The following GRID2IP variants were observed in gnomAD, a reference collection of about 807,000 sequenced individuals.
The protein encoded by GRID2IP is Grid2 interacting protein.
Under a neutral mutation model 114.3 loss-of-function variants are expected in GRID2IP, and 78 were observed. The observed-to-expected ratio is 0.68, with a 90% CI of 0.57 to 0.82. GRID2IP has a LOEUF of 0.82. Ranked by LOEUF, GRID2IP falls within the 40% of genes least tolerant of loss-of-function variation. The pLI, the probability that GRID2IP is intolerant of heterozygous loss-of-function variation, is 0.00. For synonymous variants in GRID2IP, 809 were observed against 724.0 expected, an observed-to-expected ratio of 1.12 and a Z score of -1.89; for missense variants, 1,727 against 1,678.5, an observed-to-expected ratio of 1.03 and a Z score of -0.51.
chr7:6,529,250 A>T (rs1474238161), intron 2 of GRID2IP, among the ~76,000 whole-genome samples: 2 of 152,186 alleles, frequency 1.3e-5, no homozygotes, highest in African/African-American at 4.8e-5. Context: ...CAGGAGTTCG[A>T]GACCAGCCTG....
chr7:6,502,668 G>T (rs1388352128), intron 18 of GRID2IP, 118 bp downstream of exon 18: 1 of 655,614 alleles, frequency 1.5e-6, no homozygotes, highest in South Asian at 1.7e-5. Context: ...CTGCTAGGAG[G>T]AGAGCCCTCC....
chr7:6,531,373 C>T (rs1490980466), intron 2 of GRID2IP, among the ~76,000 whole-genome samples: 1 of 152,252 alleles, frequency 6.6e-6, no homozygotes, highest in Non-Finnish European at 1.5e-5. Flanking sequence ...GCTCACTCCC[C>T]TTGGCTCTCT....
In GRID2IP at chr7:6,507,854, C is replaced by T. The variant is rs544786858; in HGVS notation, c.2544+131G>A. 154 of 1,392,054 alleles carry T rather than the reference C, an allele frequency of 1.1e-4. 1 individual carries two copies. In the African/African-American group the frequency reaches 2.0e-3, roughly 18 times the overall value. The allele number at this position is 1,392,054 out of a possible 1,614,324, so 86.2% of individuals were successfully genotyped here. A position where few individuals can be genotyped will look rare whatever the true frequency, so the allele number is the denominator to read the frequency against. ...GCGTGGGGACGTTCTTGGGCTGGGC[C>T]TCTACTCATCCTCTGCTTGGGGTAG... is the stretch of plus-strand genomic sequence containing the variant. On this transcript the variant is annotated intron_variant, in intron 13 of 21. Transcript: ENST00000457091. This position sits in a 1 kb window ranked among gnomAD's most constrained non-coding sequence, Gnocchi z 5.3.
At chr7:6,550,166 T>A (rs2115105333) in intron 1 of GRID2IP, among the ~76,000 whole-genome samples, 1 of 151,630 alleles carries the variant, frequency 6.6e-6, no homozygotes, top group East Asian at 1.9e-4. Context: ...TAGTTTTTGA[T>A]TTTTTTTGTA....
chr7:6,535,690 C>T (rs1779712687), intron 2 of GRID2IP, among the ~76,000 whole-genome samples: 1 of 152,092 alleles, frequency 6.6e-6, no homozygotes, highest in Admixed American at 6.6e-5. Flanking sequence ...GACCCTGTCT[C>T]TATTTATAAA....
intron 20 of GRID2IP, among the ~76,000 whole-genome samples, 165 bp downstream of exon 20, chr7:6,501,616 A>AT (rs893105118): frequency 3.1e-4 from 47 of 152,244 alleles, no homozygotes; most frequent in African/African-American, 1.1e-3. Context: ...CAATCAATCA[A>AT]CAACCCAGGA....
At chr7:6,541,583 T>G (rs1174676908) in intron 1 of GRID2IP, among the ~76,000 whole-genome samples, 2 of 152,122 alleles carry the variant, frequency 1.3e-5, no homozygotes, top group African/African-American at 4.8e-5. Context: ...AGCGTGCAAA[T>G]GGACACGTTG....
intron 1 of GRID2IP, among the ~76,000 whole-genome samples, chr7:6,546,703 T>C (rs888057975): frequency 1.3e-5 from 2 of 151,960 alleles, no homozygotes; most frequent in African/African-American, 4.8e-5. Context: ...ATCCTCCACT[T>C]CCCCGTTCCT....
rs888410971 is a variant in GRID2IP, at chr7:6,502,118, G to T, written c.3151C>A (p.Leu1051Met). The T allele has an allele frequency of 1.3e-6, 2 of 1,551,144 alleles. No homozygotes were observed. The highest frequency in any genetic ancestry group is 8.7e-7 in the Non-Finnish European group (1 of 1,146,862). Residue 1051 changes from leucine to methionine, a missense_variant and splice_region_variant, in exon 19 of 22, where the codon CTG becomes ATG. By Grantham distance (15) the Leu-to-Met change is conservative. Transcript: ENST00000457091. ...CCATCCACTGTCTTGGTGGAGTTCA[G>T]CTGCAAGTGACCCCCAATATACATT... is the stretch of plus-strand genomic sequence containing the variant. ...TGFKINFLTELNSTKTVDGKS... is the reference protein window; with the variant it reads ...TGFKINFLTEMNSTKTVDGKS...
In GRID2IP at chr7:6,516,473, G is replaced by A. The variant is rs1033644937; in HGVS notation, c.1269-1944C>T. 6.6e-6 allele frequency among the ~76,000 whole-genome samples: 1 copy of A among 152,098 alleles called. No individual in the cohort carries two copies. Among genetic ancestry groups the A allele is most frequent in the African/African-American group, 2.4e-5 (1 of 41,382 alleles). On this transcript the variant is annotated intron_variant, in intron 7 of 21. Transcript: ENST00000457091. This position sits in a 1 kb window ranked among gnomAD's most constrained non-coding sequence, Gnocchi z 4.3. The stretch of plus-strand genomic sequence containing the variant: ...TGAGAAGTGACCAAAAGACAAGAGT[G>A]TGAGCCCTCCGTTATGCCTGGACAG...
chr7:6,534,761 C>T lies in GRID2IP; in HGVS notation c.584+4957G>A, dbSNP rs1371916659. Reference sequence around the variant, plus strand: ...CTGGCTCTGTCACCCAGGCTGGAGGCTGGAGTGCAGTGGCTTGTTCTCACC... The same window carrying T: ...CTGGCTCTGTCACCCAGGCTGGAGGTTGGAGTGCAGTGGCTTGTTCTCACC... On this transcript the variant is annotated intron_variant, in intron 2 of 21. Coordinates refer to ENST00000457091, the MANE Select transcript of GRID2IP (RefSeq NM_001145118.2). The surrounding 1 kb of genome is among the most constrained non-coding windows in gnomAD (Gnocchi z 4.5). Among the ~76,000 whole-genome samples, 1 of 151,946 alleles carries T rather than the reference C, an allele frequency of 6.6e-6. No homozygotes were observed. The highest frequency in any genetic ancestry group is 1.9e-4 in the East Asian group (1 of 5,198).
Position 6,504,783 on chromosome 7 carries a change from G to T in GRID2IP, c.2710+10C>A. The T allele has an allele frequency of 6.5e-7, 1 of 1,549,676 alleles. No individual in the cohort carries two copies. Among genetic ancestry groups the T allele is most frequent in the Non-Finnish European group, 8.7e-7 (1 of 1,145,490 alleles). Reference sequence around the variant, plus strand: ...CCCCCTACACCCCCTGGGGTTCCCCGGACCCTCACAGGTGTTGTAGGCCTT... The same window carrying T: ...CCCCCTACACCCCCTGGGGTTCCCCTGACCCTCACAGGTGTTGTAGGCCTT... On this transcript the variant is annotated intron_variant, in intron 15 of 21. Coordinates refer to ENST00000457091, the MANE Select transcript of GRID2IP (RefSeq NM_001145118.2).
rs147174805 is a variant in GRID2IP at position 6,544,386 on chromosome 7, G to A, written c.430-4514C>T. ...CCTCTGCCTCCCGGGTTCAAGCGAC[G>A]CTCCTGCCTCACCCTCCTGAGTAGC... On this transcript the variant is annotated intron_variant, in intron 1 of 21. Transcript: ENST00000457091. 3.3e-3 allele frequency among the ~76,000 whole-genome samples: 501 copies of A among 151,458 alleles called. 3 individuals carry two copies. The highest frequency in any genetic ancestry group is 0.011 in the African/African-American group (475 of 41,314).
chr7:6,507,889 T>C lies in GRID2IP; in HGVS notation c.2544+96A>G, dbSNP rs548640207. 12 of 1,494,984 alleles carry C rather than the reference T, an allele frequency of 8.0e-6. No individual in the cohort carries two copies. The South Asian group carries it at 1.5e-4, about 18-fold the overall frequency. The allele number at this position is 1,494,984 out of a possible 1,614,324, so 92.6% of individuals were successfully genotyped here. On this transcript the variant is annotated intron_variant, in intron 13 of 21. Transcript: ENST00000457091. This position sits in a 1 kb window ranked among gnomAD's most constrained non-coding sequence, Gnocchi z 5.3. ...CCTCTGCTTGGGGTAGGGAGGATGA[T>C]GTTGGAAGATGCCTGGCCGATGGGT... is the stretch of plus-strand genomic sequence containing the variant.
rs1779695491 is a variant in GRID2IP at position 6,534,734 on chromosome 7, G to A, written c.584+4984C>T. Among the ~76,000 whole-genome samples, 1 of 151,590 alleles carries A rather than the reference G, an allele frequency of 6.6e-6. No individual in the cohort carries two copies. Among genetic ancestry groups the A allele is most frequent in the Non-Finnish European group, 1.5e-5 (1 of 67,928 alleles). On this transcript the variant is annotated intron_variant, in intron 2 of 21. Coordinates refer to ENST00000457091, the MANE Select transcript of GRID2IP (RefSeq NM_001145118.2). This position sits in a 1 kb window ranked among gnomAD's most constrained non-coding sequence, Gnocchi z 4.5. ...TTAACTTTTTTTTTTTTGGAACAGA[G>A]TCTGGCTCTGTCACCCAGGCTGGAG...
In GRID2IP at chr7:6,541,531, C is replaced by G. The variant is rs184954554; in HGVS notation, c.430-1659G>C. 7.0e-4 allele frequency among the ~76,000 whole-genome samples: 107 copies of G among 152,310 alleles called. 1 individual carries two copies. The highest frequency in any genetic ancestry group is 2.4e-3 in the African/African-American group (100 of 41,568). On this transcript the variant is annotated intron_variant, in intron 1 of 21. Transcript: ENST00000457091. Reference sequence around the variant, plus strand: ...TGTCCACAAACCAGCTGATACTAATCAAGGCACATCTGCACACAGGAGTGT... The same window carrying G: ...TGTCCACAAACCAGCTGATACTAATGAAGGCACATCTGCACACAGGAGTGT...
chr7:6,543,819 TCTCACTCTGTCG>T (rs758938600), intron 1 of GRID2IP, among the ~76,000 whole-genome samples: 22 of 152,012 alleles, frequency 1.4e-4, no homozygotes, highest in African/African-American at 5.1e-4. Context: ...TGAGAGAAAG[TCTCACTCTGTCG>T]CTCACTCTGT....
Position 6,539,812 on chromosome 7 carries a change from G to A in GRID2IP, c.490C>T (p.Gln164Ter), listed in dbSNP as rs374393471. ...TCCACCCGCTGCTCAGCTGCAAACTGCTTCAGTGCAGCGAACACCTGCTCC... is the reference window on the plus strand; with the variant it reads ...TCCACCCGCTGCTCAGCTGCAAACTACTTCAGTGCAGCGAACACCTGCTCC... ...AKEQVFAALKQFAAEQRVDDL... is the reference protein window; with the variant it reads ...AKEQVFAALK The change falls in exon 2 of 22, where the codon CAG becomes TAG. Residue 164 changes from glutamine (Q) to a stop codon, truncating the protein, a stop_gained. Coordinates refer to ENST00000457091, the MANE Select transcript of GRID2IP (RefSeq NM_001145118.2). LOFTEE classifies it high-confidence loss of function. 4 of 1,551,056 alleles carry A rather than the reference G, an allele frequency of 2.6e-6. No homozygotes were observed. The highest frequency in any genetic ancestry group is 3.5e-6 in the Non-Finnish European group (4 of 1,146,924).
rs1447974909 is a variant in GRID2IP, at chr7:6,532,023, G to C, written c.585-5254C>G. The stretch of plus-strand genomic sequence containing the variant: ...AGAGCTGCGCCTCTTGCTCTGCCAG[G>C]AGAGAAGAGGGGAGGAACATTAAAG... On this transcript the variant is annotated intron_variant, in intron 2 of 21. Transcript: ENST00000457091. The surrounding 1 kb of genome is among the most constrained non-coding windows in gnomAD (Gnocchi z 4.4). 1.3e-5 allele frequency among the ~76,000 whole-genome samples: 2 copies of C among 152,164 alleles called. No individual in the cohort carries two copies. Among genetic ancestry groups the C allele is most frequent in the East Asian group, 1.9e-4 (1 of 5,190 alleles).
Sources: gnomAD v4.1 joint callset for allele counts (sites outside exome capture counted in the v4.1 genomes callset) on GRCh38, gnomAD v4.1.1 for gene constraint, Gnocchi (gnomAD v3.1) non-coding constraint, MANE v1.5 for transcripts, NCBI Gene and HGNC (gene_info 2026-07-23, HGNC 2026-07-21) for gene names.